MED13L: variants seen among roughly 807,000 people sequenced by gnomAD.
The protein encoded by MED13L is mediator complex subunit 13L.
In MED13L, 7 loss-of-function variants were observed where a neutral mutation model predicts 220.9. The ratio of observed to expected loss-of-function variants is 0.03; its 90% CI spans 0.02 to 0.06. The LOEUF is 0.06. Among genes scored for constraint, MED13L ranks in the 10% least tolerant of loss-of-function variants. The pLI, the probability that MED13L is intolerant of heterozygous loss-of-function variation, is 1.00. For missense variants in MED13L, 1,965 were observed against 2,760.5 expected (o/e 0.71, Z 6.46); for synonymous variants, 1,011 against 1,015.2 (o/e 1.00, Z 0.08).
chr12:116,194,078 A>T (rs1325893789), intron 2 of MED13L, among the ~76,000 whole-genome samples: 1 of 152,236 alleles, frequency 6.6e-6, no homozygotes, highest in African/African-American at 2.4e-5. Flanking sequence ...AAAGATGTAG[A>T]TGTAAATGAC....
intron 2 of MED13L, among the ~76,000 whole-genome samples, chr12:116,158,163 A>C (rs1024775621): frequency 5.3e-5 from 8 of 152,060 alleles, no homozygotes; most frequent in Non-Finnish European, 2.9e-5. Flanking sequence ...AAAAAAAAAA[A>C]AAACCGAGAA....
At chr12:116,229,095 T>C (rs1244799613) in intron 2 of MED13L, among the ~76,000 whole-genome samples, 1 of 152,124 alleles carries the variant, frequency 6.6e-6, no homozygotes, top group East Asian at 1.9e-4. Context: ...CTCTTCTAAA[T>C]CTTAAAGTTT....
chr12:116,015,150 A>G lies in MED13L; in HGVS notation c.1134T>C (p.His378=). The G allele has an allele frequency of 1.2e-6, 2 of 1,613,866 alleles. No individual in the cohort carries two copies. Among genetic ancestry groups the G allele is most frequent in the Non-Finnish European group, 1.7e-6 (2 of 1,179,860 alleles). The stretch of plus-strand genomic sequence containing the variant: ...TGAGGATGCATTCCTTCCAGACTCG[A>G]TGGACCATATGATTGTGGAGTTTTG... The part of the protein sequence containing the change: ...IPPKLHNHMV[H]RVWKECILNR... Residue 378 remains histidine (H), a synonymous_variant, in exon 8 of 31, where the codon CAT becomes CAC. Transcript: ENST00000281928.
intron 1 of MED13L, among the ~76,000 whole-genome samples, chr12:116,257,087 C>T (rs1872125211): frequency 6.6e-6 from 1 of 152,178 alleles, no homozygotes. Context: ...TCATGTCTGA[C>T]TACTTCAGGA....
intron 2 of MED13L, among the ~76,000 whole-genome samples, chr12:116,212,235 T>C (rs1882741125): frequency 6.6e-6 from 1 of 152,212 alleles, no homozygotes; most frequent in Non-Finnish European, 1.5e-5. Flanking sequence ...AGTTTCACTG[T>C]ATACCTTTGT....
At chr12:116,023,586 TG>T (rs1880191259) in intron 4 of MED13L, among the ~76,000 whole-genome samples, 1 of 152,140 alleles carries the variant, frequency 6.6e-6, no homozygotes, top group Non-Finnish European at 1.5e-5. Flanking sequence ...AAAATCATAA[TG>T]CTTGAAAGGA....
chr12:115,989,725 C>A (rs1877931455), intron 17 of MED13L, among the ~76,000 whole-genome samples: 1 of 152,128 alleles, frequency 6.6e-6, no homozygotes, highest in South Asian at 2.1e-4. Context: ...AGTAACAAAT[C>A]TGGGACTCCT....
chr12:116,188,751 T>C (rs1312614428), intron 2 of MED13L, among the ~76,000 whole-genome samples: 1 of 152,110 alleles, frequency 6.6e-6, no homozygotes, highest in African/African-American at 2.4e-5. Context: ...CCACCCCTCC[T>C]AAACCCCGAC....
At chr12:116,060,658 T>C (rs1022628542) in intron 4 of MED13L, among the ~76,000 whole-genome samples, 1 of 152,014 alleles carries the variant, frequency 6.6e-6, no homozygotes, top group Non-Finnish European at 1.5e-5. Context: ...ACATTACAAT[T>C]AACTGAAAGT....
chr12:116,137,834 T>C (rs1686348205), intron 2 of MED13L, among the ~76,000 whole-genome samples: 3 of 151,286 alleles, frequency 2.0e-5, no homozygotes, highest in African/African-American at 7.3e-5. Flanking sequence ...GTTACTTTTA[T>C]ACCTTTATAA....
chr12:116,119,825 A>T (rs867527108), intron 2 of MED13L, among the ~76,000 whole-genome samples: 16 of 112,158 alleles, frequency 1.4e-4, no homozygotes, highest in South Asian at 8.5e-4. Flanking sequence ...AAAAAAAAAA[A>T]AAAAAAAAAA....
intron 1 of MED13L, among the ~76,000 whole-genome samples, chr12:116,245,629 A>G (rs1380868711): frequency 6.6e-6 from 1 of 152,180 alleles, no homozygotes; most frequent in Non-Finnish European, 1.5e-5. Context: ...ATTTCAGGAG[A>G]GAATTTTTTA....
chr12:116,168,213 A>G (rs1879425257), intron 2 of MED13L, among the ~76,000 whole-genome samples: 1 of 152,088 alleles, frequency 6.6e-6, no homozygotes, highest in African/African-American at 2.4e-5. Context: ...TAAACCCTAT[A>G]TGTTACAAAG....
At position 116,269,832 on chromosome 12, in the gene MED13L, A is replaced by C. The variant is rs556444031; in HGVS notation, c.72+7228T>G. Among the ~76,000 whole-genome samples, 7 of 152,348 alleles carry C rather than the reference A, an allele frequency of 4.6e-5. No individual in the cohort carries two copies. In the South Asian group the frequency reaches 6.2e-4, roughly 14 times the overall value. On this transcript the variant is annotated intron_variant, in intron 1 of 30. Transcript: ENST00000281928. The stretch of plus-strand genomic sequence containing the variant: ...AATTCATCTAGAATGAGAAATAAAC[A>C]CTGAGAAATATACATAGTAAACCAG...
At chr12:116,276,603 T>C in intron 1 of MED13L, 2 of 1,201,886 alleles carry the variant, frequency 1.7e-6, no homozygotes, top group South Asian at 1.5e-5. Flanking sequence ...TTATGGAATT[T>C]AAAAAAATTC....
intron 4 of MED13L, among the ~76,000 whole-genome samples, chr12:116,057,389 G>A (rs1045510630): frequency 6.6e-6 from 1 of 151,868 alleles, no homozygotes; most frequent in Non-Finnish European, 1.5e-5. Flanking sequence ...TCTATCTAGC[G>A]TATTAGTTAT....
At position 116,277,362 on chromosome 12, in the gene MED13L, CG is replaced by C. The variant is rs1178864337; in HGVS notation, c.-232del. Reference sequence around the variant, plus strand: ...GGGCGCGCGCCCCGGGCCGGCGCTGCGGGCCGGCCACCGCCTCCGCCTTCCC... The same window carrying C: ...GGGCGCGCGCCCCGGGCCGGCGCTGCGGCCGGCCACCGCCTCCGCCTTCCC... On this transcript the variant is annotated 5_prime_UTR_variant, in exon 1 of 31. Coordinates refer to ENST00000281928, the MANE Select transcript of MED13L (RefSeq NM_015335.5). 1 of 3,528 alleles carries C rather than the reference CG, an allele frequency of 2.8e-4. No individual in the cohort carries two copies. The highest frequency in any genetic ancestry group is 7.7e-3 in the African/African-American group (1 of 130). The allele number at this position is 3,528 out of a possible 1,614,324, so 0.2% of individuals were successfully genotyped here. A position where few individuals can be genotyped will look rare whatever the true frequency, so the allele number is the denominator to read the frequency against.
chr12:116,241,993 T>C (rs1167730672), intron 1 of MED13L, among the ~76,000 whole-genome samples: 3 of 151,454 alleles, frequency 2.0e-5, no homozygotes, highest in South Asian at 4.2e-4. Flanking sequence ...AATGTCTTCA[T>C]AGACCATGAT....
intron 1 of MED13L, among the ~76,000 whole-genome samples, chr12:116,250,430 C>G (rs952786445): frequency 1.3e-5 from 2 of 151,404 alleles, no homozygotes; most frequent in Admixed American, 6.6e-5. Flanking sequence ...AAAAGAAGAA[C>G]AATTACCAGG....
Sources: allele counts gnomAD v4.1 joint callset (sites outside exome capture counted in the v4.1 genomes callset), GRCh38; gene constraint gnomAD v4.1.1; transcripts MANE v1.5; gene names NCBI Gene and HGNC (gene_info 2026-07-23, HGNC 2026-07-21).